PRELID2: variants seen among roughly 807,000 people sequenced by gnomAD.
The protein encoded by PRELID2 is PRELI domain containing 2.
PRELID2 carries 25 observed loss-of-function variants against 28.4 expected under a neutral mutation model. The observed-to-expected ratio is 0.88, with a 90% CI of 0.64 to 1.23. PRELID2 has a LOEUF of 1.23. Among genes scored for constraint, PRELID2 ranks in the 50% most tolerant of loss-of-function variants. PRELID2 has a pLI of 0.00. For missense variants in PRELID2, 201 were observed against 214.4 expected, an observed-to-expected ratio of 0.94 and a Z score of 0.39; for synonymous variants, 76 against 71.6, an observed-to-expected ratio of 1.06 and a Z score of -0.31.
At chr5:145,711,428 C>T (rs1292054234) in intron 1 of PRELID2, among the ~76,000 whole-genome samples, 1 of 152,114 alleles carries the variant, frequency 6.6e-6, no homozygotes, top group Admixed American at 6.6e-5. Context: ...GAGGAGGAAG[C>T]TGCCATTGAT....
intron 1 of PRELID2, among the ~76,000 whole-genome samples, chr5:145,533,642 T>A (rs1456162204): frequency 6.6e-6 from 1 of 152,048 alleles, no homozygotes; most frequent in Non-Finnish European, 1.5e-5. Context: ...CTTATCTAAG[T>A]TTTCCCAGTT....
At chr5:145,376,584 C>T in the PRELID2 span, among the ~76,000 whole-genome samples, 1 of 151,970 alleles carries the variant, frequency 6.6e-6, no homozygotes, top group Non-Finnish European at 1.5e-5. Context: ...TGTTATTGGT[C>T]TGTTTAGGGA....
intron 1 of PRELID2, among the ~76,000 whole-genome samples, chr5:145,638,077 C>T (rs2149662263): frequency 6.6e-6 from 1 of 152,316 alleles, no homozygotes; most frequent in East Asian, 1.9e-4. Flanking sequence ...TCCCAAAGTG[C>T]TGGGATAACA....
chr5:145,461,509 A>G, the PRELID2 span, among the ~76,000 whole-genome samples: 15 of 152,066 alleles, frequency 9.9e-5, no homozygotes, highest in Non-Finnish European at 1.9e-4. Context: ...TCACCATGTT[A>G]GCCAGGATGG....
At chr5:145,349,553 A>G in the PRELID2 span, among the ~76,000 whole-genome samples, 1 of 152,092 alleles carries the variant, frequency 6.6e-6, no homozygotes, top group African/African-American at 2.4e-5. Flanking sequence ...CCATGAAGAG[A>G]CACTCATACA....
chr5:145,392,163 G>A, the PRELID2 span, among the ~76,000 whole-genome samples: 8 of 152,014 alleles, frequency 5.3e-5, no homozygotes, highest in East Asian at 3.9e-4. Context: ...CCATTCTCAC[G>A]CTGCCAATAA....
At chr5:145,641,038 C>T (rs1487524987) in intron 1 of PRELID2, among the ~76,000 whole-genome samples, 1 of 151,898 alleles carries the variant, frequency 6.6e-6, no homozygotes, top group Admixed American at 6.6e-5. Flanking sequence ...AAAGAAAAAA[C>T]AAAATTTAAA....
intron 1 of PRELID2, among the ~76,000 whole-genome samples, chr5:145,702,936 G>C (rs1352286884): frequency 6.6e-6 from 1 of 152,144 alleles, no homozygotes; most frequent in Non-Finnish European, 1.5e-5. Context: ...TTAGCAGATT[G>C]ATATATAATT....
the PRELID2 span, among the ~76,000 whole-genome samples, chr5:145,369,026 T>C: frequency 2.6e-5 from 4 of 151,878 alleles, no homozygotes; most frequent in African/African-American, 9.7e-5. Context: ...CCGTGTATTT[T>C]CATCATTGAT....
At chr5:145,461,431 T>G in the PRELID2 span, among the ~76,000 whole-genome samples, 1 of 152,114 alleles carries the variant, frequency 6.6e-6, no homozygotes, top group Admixed American at 6.6e-5. Context: ...GCCTTCCAAG[T>G]AGCTGGGACT....
chr5:145,598,480 A>C (rs1328806074), intron 1 of PRELID2, among the ~76,000 whole-genome samples: 1 of 152,218 alleles, frequency 6.6e-6, no homozygotes, highest in Non-Finnish European at 1.5e-5. Flanking sequence ...ATAACAAAAA[A>C]ATAGATAAAT....
intron 1 of PRELID2, among the ~76,000 whole-genome samples, chr5:145,594,690 T>TA (rs1349788813): frequency 6.6e-6 from 1 of 152,184 alleles, no homozygotes; most frequent in Non-Finnish European, 1.5e-5. Context: ...TTAAAACTTA[T>TA]AAAAAACATA....
chr5:145,294,215 C>G, the PRELID2 span, among the ~76,000 whole-genome samples: 1 of 152,076 alleles, frequency 6.6e-6, no homozygotes, highest in African/African-American at 2.4e-5. Flanking sequence ...AGCAATGTGC[C>G]TCCATAAATA....
chr5:145,623,705 G>C (rs980602567), intron 1 of PRELID2, among the ~76,000 whole-genome samples: 1 of 152,088 alleles, frequency 6.6e-6, no homozygotes, highest in Non-Finnish European at 1.5e-5. Context: ...GAAAGCAAAG[G>C]TTATTCAGTA....
chr5:145,416,439 C>G, the PRELID2 span, among the ~76,000 whole-genome samples: 1 of 151,940 alleles, frequency 6.6e-6, no homozygotes, highest in Non-Finnish European at 1.5e-5. Context: ...AACTAAAGAG[C>G]TTCTGCACAG....
intron 5 of PRELID2, among the ~76,000 whole-genome samples, chr5:145,778,820 C>T (rs894913706): frequency 1.2e-4 from 18 of 152,216 alleles, no homozygotes; most frequent in African/African-American, 4.1e-4. Flanking sequence ...TGGAATGAGC[C>T]CAGCAGGCCC....
At chr5:145,705,219 C>A (rs10039429) in intron 1 of PRELID2, among the ~76,000 whole-genome samples, 9,285 of 150,510 alleles carry the variant, frequency 0.062, 357 homozygotes, top group East Asian at 0.1. Flanking sequence ...GAGATGGAGT[C>A]TTGCTCTGTC....
In PRELID2 at chr5:145,729,182, A is replaced by G; in HGVS notation, n.70+35749T>C. The G allele has an allele frequency of 4.4e-6, 3 of 684,368 alleles. No individual in the cohort carries two copies. The South Asian group carries it at 5.1e-5, about 12-fold the overall frequency. The allele number at this position is 684,368 out of a possible 1,614,324, so 42.4% of individuals were successfully genotyped here. A position where few individuals can be genotyped will look rare whatever the true frequency, so the allele number is the denominator to read the frequency against. On this transcript the variant is annotated intron_variant and non_coding_transcript_variant, in intron 1 of 2. Coordinates refer to the PRELID2 transcript ENST00000510259. ...TCAAGTCCTTCAAAGTATCATTTGT[A>G]TCAGTGATGCTCTGGGTTTCGGAAG...
intron 1 of PRELID2, among the ~76,000 whole-genome samples, chr5:145,731,302 T>C (rs1219399195): frequency 1.3e-5 from 2 of 152,220 alleles, no homozygotes; most frequent in African/African-American, 2.4e-5. Context: ...AATGTTAATA[T>C]CGGCTTCTAT....
Sources: gnomAD v4.1 joint callset for allele counts (sites outside exome capture counted in the v4.1 genomes callset) on GRCh38, gnomAD v4.1.1 for gene constraint, MANE v1.5 for transcripts, NCBI Gene and HGNC (gene_info 2026-07-23, HGNC 2026-07-21) for gene names.